PTPRD: variants seen among roughly 807,000 people sequenced by gnomAD.
PTPRD encodes protein tyrosine phosphatase receptor type D.
Under a neutral mutation model 214.5 loss-of-function variants are expected in PTPRD, and 34 were observed. The ratio of observed to expected loss-of-function variants is 0.16; its 90% CI spans 0.12 to 0.21. The LOEUF is 0.21. Among genes scored for constraint, PTPRD ranks in the 10% least tolerant of loss-of-function variants. The pLI is 1.00. For missense variants in PTPRD, 2,545 were observed against 2,398.7 expected (o/e 1.06, Z -1.27); for synonymous variants, 1,128 against 845.7 (o/e 1.33, Z -5.79).
chr9:10,460,752 G>C (rs1454755890), intron 2 of PTPRD, among the ~76,000 whole-genome samples: 3 of 152,046 alleles, frequency 2.0e-5, no homozygotes, highest in African/African-American at 2.4e-5. Flanking sequence ...AAATGGATGA[G>C]AGACCTAAAC....
intron 14 of PTPRD, among the ~76,000 whole-genome samples, chr9:8,529,708 G>A (rs2075176839): frequency 6.6e-6 from 1 of 152,132 alleles, no homozygotes; most frequent in Non-Finnish European, 1.5e-5. Flanking sequence ...TTAGAAAGGT[G>A]TGTTCTATCT....
At chr9:9,626,536 A>C (rs571389634) in intron 7 of PTPRD, among the ~76,000 whole-genome samples, 64 of 152,300 alleles carry the variant, frequency 4.2e-4, no homozygotes, top group African/African-American at 1.5e-3. Flanking sequence ...TTTGATTAAA[A>C]ATGGAAAAAG....
intron 11 of PTPRD, among the ~76,000 whole-genome samples, chr9:8,765,476 C>T (rs1720276053): frequency 6.6e-6 from 1 of 152,208 alleles, no homozygotes; most frequent in Non-Finnish European, 1.5e-5. Context: ...AAAAACCAAT[C>T]CCTGCCAGCA....
At chr9:8,611,405 G>C (rs957330823) in intron 14 of PTPRD, among the ~76,000 whole-genome samples, 1 of 152,088 alleles carries the variant, frequency 6.6e-6, no homozygotes, top group Non-Finnish European at 1.5e-5. Context: ...AAAGAAAGGG[G>C]AATAAAAACC....
At chr9:9,935,266 G>A (rs2088745616) in intron 5 of PTPRD, among the ~76,000 whole-genome samples, 1 of 152,008 alleles carries the variant, frequency 6.6e-6, no homozygotes, top group African/African-American at 2.4e-5. Context: ...ATTCAATTAG[G>A]AAAAGAGGAA....
intron 3 of PTPRD, among the ~76,000 whole-genome samples, chr9:10,096,013 G>A (rs996040132): frequency 6.6e-5 from 10 of 151,426 alleles, no homozygotes; most frequent in African/African-American, 2.4e-4. Flanking sequence ...ATATTCCTTT[G>A]CCCTATATCC....
intron 9 of PTPRD, among the ~76,000 whole-genome samples, chr9:9,220,742 T>G (rs1167080244): frequency 6.6e-6 from 1 of 152,148 alleles, no homozygotes; most frequent in African/African-American, 2.4e-5. Context: ...TATGTAGGAA[T>G]GTGGGTAACT....
At chr9:10,496,590 C>T (rs2042102108) in intron 2 of PTPRD, among the ~76,000 whole-genome samples, 1 of 148,914 alleles carries the variant, frequency 6.7e-6, no homozygotes, top group Admixed American at 6.9e-5. Context: ...TTAGCCTTCC[C>T]TTTTCTCTGC....
chr9:9,137,174 A>G (rs1287948010), intron 10 of PTPRD, among the ~76,000 whole-genome samples: 2 of 152,198 alleles, frequency 1.3e-5, no homozygotes, highest in East Asian at 3.8e-4. Context: ...TTGAAGAGGA[A>G]TTATTGATTC....
At chr9:10,078,758 A>G (rs137988974) in intron 3 of PTPRD, among the ~76,000 whole-genome samples, 272 of 152,156 alleles carry the variant, frequency 1.8e-3, no homozygotes, top group African/African-American at 6.2e-3. Flanking sequence ...TTTATATTCA[A>G]TGTTTCCTAT....
chr9:10,495,777 T>G (rs189246876), intron 2 of PTPRD, among the ~76,000 whole-genome samples: 94 of 151,950 alleles, frequency 6.2e-4, no homozygotes, highest in Non-Finnish European at 9.6e-4. Context: ...GTATGGAGCA[T>G]TTAAAATGTG....
At chr9:9,503,885 T>C (rs910846471) in intron 8 of PTPRD, among the ~76,000 whole-genome samples, 1 of 151,792 alleles carries the variant, frequency 6.6e-6, no homozygotes, top group Non-Finnish European at 1.5e-5. Flanking sequence ...AAAAAAATAC[T>C]TCTGAGAGGA....
chr9:10,463,098 A>G (rs2382216), intron 2 of PTPRD, among the ~76,000 whole-genome samples: 118,365 of 151,542 alleles, frequency 0.78, 46,566 homozygotes, highest in East Asian at 0.92. Context: ...GATGTATGTA[A>G]TGCCTACTAT....
At chr9:9,635,626 C>G (rs531804991) in intron 7 of PTPRD, among the ~76,000 whole-genome samples, 3 of 152,216 alleles carry the variant, frequency 2.0e-5, no homozygotes, top group African/African-American at 7.2e-5. Context: ...AACCTGTCAG[C>G]CTTGTTGTCA....
At chr9:9,048,928 A>C (rs2099679122) in intron 10 of PTPRD, among the ~76,000 whole-genome samples, 1 of 152,166 alleles carries the variant, frequency 6.6e-6, no homozygotes, top group Non-Finnish European at 1.5e-5. Flanking sequence ...GTACCCCATA[A>C]ATATATGCAT....
chr9:9,150,037 C>A (rs1592464492), intron 10 of PTPRD, among the ~76,000 whole-genome samples: 1 of 152,248 alleles, frequency 6.6e-6, no homozygotes, highest in East Asian at 1.9e-4. Flanking sequence ...TGCTGCTGCC[C>A]ATCACCTAAG....
At chr9:10,293,761 T>C (rs1362266655) in intron 3 of PTPRD, among the ~76,000 whole-genome samples, 1 of 151,962 alleles carries the variant, frequency 6.6e-6, no homozygotes, top group Non-Finnish European at 1.5e-5. Context: ...CTAGCCTTCA[T>C]TGGTGGAAAG....
At chr9:9,076,339 G>A (rs970755855) in intron 10 of PTPRD, among the ~76,000 whole-genome samples, 1 of 152,116 alleles carries the variant, frequency 6.6e-6, no homozygotes, top group African/African-American at 2.4e-5. Context: ...CGTTCTGTAG[G>A]TTGCCTGTCC....
At chr9:9,078,660 G>A (rs934927929) in intron 10 of PTPRD, among the ~76,000 whole-genome samples, 2 of 151,888 alleles carry the variant, frequency 1.3e-5, no homozygotes, top group Non-Finnish European at 2.9e-5. Context: ...TTTTACTGGG[G>A]AGTGTTCTCA....
Sources: gnomAD v4.1 joint callset for allele counts (sites outside exome capture counted in the v4.1 genomes callset) on GRCh38, gnomAD v4.1.1 for gene constraint, MANE v1.5 for transcripts, NCBI Gene and HGNC (gene_info 2026-07-23, HGNC 2026-07-21) for gene names.